The following ADD3 variants were observed in gnomAD, a reference collection of about 807,000 sequenced individuals.
The protein encoded by ADD3 is adducin 3.
ADD3 carries 25 observed loss-of-function variants against 80.2 expected under a neutral mutation model. The observed-to-expected ratio is 0.31, with a 90% CI of 0.23 to 0.44. The LOEUF (loss-of-function observed/expected upper bound fraction) is 0.44, where lower values mean the gene tolerates loss of function less well. Ranked by LOEUF, ADD3 falls within the 20% of genes least tolerant of loss-of-function variation. ADD3 has a pLI of 1.00. For missense variants in ADD3, 829 were observed against 847.5 expected (o/e 0.98, Z 0.27); for synonymous variants, 284 against 289.6 (o/e 0.98, Z 0.20).
chr10:110,111,610 C>T (rs560424179), intron 2 of ADD3, among the ~76,000 whole-genome samples: 2 of 152,256 alleles, frequency 1.3e-5, no homozygotes, highest in South Asian at 2.1e-4. Context: ...TGGAACCCAA[C>T]GTTCCATTAA....
At chr10:110,038,361 G>T (rs957930845) in intron 1 of ADD3, among the ~76,000 whole-genome samples, 3 of 152,212 alleles carry the variant, frequency 2.0e-5, no homozygotes, top group Non-Finnish European at 4.4e-5. Flanking sequence ...CAGCCAGCCT[G>T]TAAGGAAGGA....
rs1392124539 is a variant in ADD3, at chr10:110,124,789, A to ATTTGG, written c.1401+529_1401+533dup. Reference sequence around the variant, plus strand: ...TATCTTTTTCAGAATTTTGCATTAGATTTGGTTTGGTTTGGTTTTGGAGTG... The same window carrying ATTTGG: ...TATCTTTTTCAGAATTTTGCATTAGATTTGGTTTGGTTTGGTTTGGTTTTGGAGTG... On this transcript the variant is annotated intron_variant, in intron 10 of 14. Transcript: ENST00000356080. Among the ~76,000 whole-genome samples, 5 of 152,224 alleles carry ATTTGG rather than the reference A, an allele frequency of 3.3e-5. No individual in the cohort carries two copies. In the East Asian group the frequency reaches 7.7e-4, roughly 23 times the overall value.
At chr10:110,027,785 A>G (rs781321224) in intron 1 of ADD3, among the ~76,000 whole-genome samples, 5 of 152,200 alleles carry the variant, frequency 3.3e-5, no homozygotes, top group Non-Finnish European at 4.4e-5. Flanking sequence ...CACTTCAGAG[A>G]GAAAAAAAAC....
At chr10:110,087,637 A>G (rs992250248) in intron 1 of ADD3, among the ~76,000 whole-genome samples, 1 of 152,234 alleles carries the variant, frequency 6.6e-6, no homozygotes, top group East Asian at 1.9e-4. Flanking sequence ...GTACTTATGT[A>G]TATCAGATGT....
rs187033463 is a variant in ADD3, at chr10:110,070,879, A to G, written c.-29-29746A>G. Among the ~76,000 whole-genome samples the G allele has an allele frequency of 1.1e-4, 17 of 150,948 alleles. No individual in the cohort carries two copies. The East Asian group carries it at 2.4e-3, about 21-fold the overall frequency. ...GGCTCTTGTCATATACAGGCAGCCC[A>G]AGTTCTACAGCTAGATCTCAGAGAA... On this transcript the variant is annotated intron_variant, in intron 1 of 14. Coordinates refer to ENST00000356080, the MANE Select transcript of ADD3 (RefSeq NM_016824.5).
intron 1 of ADD3, among the ~76,000 whole-genome samples, chr10:110,008,781 A>G (rs1318854200): frequency 1.3e-5 from 2 of 152,122 alleles, no homozygotes; most frequent in African/African-American, 4.8e-5. Flanking sequence ...CATTTAAAAA[A>G]AATTTTTTTT....
chr10:110,041,544 A>G (rs1017047561), intron 1 of ADD3, among the ~76,000 whole-genome samples: 1 of 152,196 alleles, frequency 6.6e-6, no homozygotes, highest in African/African-American at 2.4e-5. Context: ...GTTGGTTCAA[A>G]TCAGCAGTTC....
intron 10 of ADD3, among the ~76,000 whole-genome samples, chr10:110,124,687 A>G (rs1174318179): frequency 6.6e-6 from 1 of 152,166 alleles, no homozygotes; most frequent in Non-Finnish European, 1.5e-5. Flanking sequence ...TCAACTCCTA[A>G]TTGTACCAAA....
intron 1 of ADD3, among the ~76,000 whole-genome samples, chr10:110,030,715 G>C (rs1258713858): frequency 6.6e-6 from 1 of 151,610 alleles, no homozygotes; most frequent in Admixed American, 6.6e-5. Flanking sequence ...AAAATATACA[G>C]ATTTCAAAGA....
intron 2 of ADD3, among the ~76,000 whole-genome samples, chr10:110,110,453 G>A (rs538468145): frequency 1.3e-5 from 2 of 152,276 alleles, no homozygotes; most frequent in African/African-American, 4.8e-5. Flanking sequence ...TGTTGACTCA[G>A]ATGTTTGTGC....
At chr10:110,103,325 C>G (rs946962514) in intron 2 of ADD3, among the ~76,000 whole-genome samples, 1 of 152,196 alleles carries the variant, frequency 6.6e-6, no homozygotes, top group Non-Finnish European at 1.5e-5. Flanking sequence ...AGTTTAGGAG[C>G]AGGTTAGCTG....
rs2134278391 is a variant in ADD3 at position 110,135,444 on chromosome 10, C to G, written c.*1826C>G. 1 of 152,648 alleles carries G rather than the reference C, an allele frequency of 6.6e-6. No homozygotes were observed. The highest frequency in any genetic ancestry group is 2.1e-4 in the South Asian group (1 of 4,824). 9.5% of individuals were successfully genotyped at this position (152,648 alleles called of 1,614,324 possible). A position where few individuals can be genotyped will look rare whatever the true frequency, so the allele number is the denominator to read the frequency against. On this transcript the variant is annotated 3_prime_UTR_variant, in exon 15 of 15. Transcript: ENST00000356080. ...TAATGCCTCTATTTACTTGCTTTGG[C>G]ATAAAGAATGAGCCAATGAACCTCT...
intron 1 of ADD3, among the ~76,000 whole-genome samples, chr10:110,073,059 A>G (rs1331877958): frequency 6.6e-6 from 1 of 152,120 alleles, no homozygotes; most frequent in African/African-American, 2.4e-5. Flanking sequence ...ACCAGGGATG[A>G]AAAAATCACT....
intron 1 of ADD3, among the ~76,000 whole-genome samples, chr10:110,091,810 A>G (rs1203835838): frequency 2.0e-5 from 3 of 152,214 alleles, no homozygotes; most frequent in African/African-American, 4.8e-5. Flanking sequence ...AAAACAGACA[A>G]CCTGCAGAAT....
At chr10:110,031,918 T>A (rs78104887) in intron 1 of ADD3, among the ~76,000 whole-genome samples, 3 of 151,926 alleles carry the variant, frequency 2.0e-5, no homozygotes, top group African/African-American at 7.3e-5. Context: ...TTTTTTTTTT[T>A]GTGATAACAT....
chr10:110,048,913 A>G (rs921808096), intron 1 of ADD3, among the ~76,000 whole-genome samples: 7 of 152,226 alleles, frequency 4.6e-5, no homozygotes, highest in Non-Finnish European at 7.3e-5. Context: ...AATGGGGAAA[A>G]TGTTTCCAGG....
intron 2 of ADD3, among the ~76,000 whole-genome samples, chr10:110,103,146 C>T (rs1450658302): frequency 3.9e-5 from 6 of 152,092 alleles, no homozygotes; most frequent in Non-Finnish European, 7.4e-5. Flanking sequence ...GTCTTCCTGC[C>T]ATATTTTAGG....
At chr10:110,040,485 A>C (rs1415956947) in intron 1 of ADD3, among the ~76,000 whole-genome samples, 1 of 152,214 alleles carries the variant, frequency 6.6e-6, no homozygotes, top group African/African-American at 2.4e-5. Flanking sequence ...GGAGTACTTA[A>C]TTGCATATTT....
At chr10:110,090,188 T>C (rs1445525616) in intron 1 of ADD3, among the ~76,000 whole-genome samples, 1 of 151,860 alleles carries the variant, frequency 6.6e-6, no homozygotes, top group Non-Finnish European at 1.5e-5. Context: ...GTTGAATGAT[T>C]ATGTTGATAT....
Sources: gnomAD v4.1 joint callset for allele counts (sites outside exome capture counted in the v4.1 genomes callset) on GRCh38, gnomAD v4.1.1 for gene constraint, MANE v1.5 for transcripts, NCBI Gene and HGNC (gene_info 2026-07-23, HGNC 2026-07-21) for gene names.